The following ZNF534 variants were observed in gnomAD, a reference collection of about 807,000 sequenced individuals.
ZNF534 encodes the protein KRAB domain only 3.
A neutral mutation model predicts 13.6 loss-of-function variants in ZNF534; 19 were observed. The ratio of observed to expected loss-of-function variants is 1.40; its 90% CI spans 0.97 to 2.05. The LOEUF (loss-of-function observed/expected upper bound fraction) is 2.05. Among genes scored for constraint, ZNF534 ranks in the 30% most tolerant of loss-of-function variants. ZNF534 has a pLI of 0.00. For missense variants in ZNF534, 782 were observed against 796.3 expected, an observed-to-expected ratio of 0.98 and a Z score of 0.22; for synonymous variants, 244 against 273.8, an observed-to-expected ratio of 0.89 and a Z score of 1.07.
rs1375314806 is a variant in ZNF534, at chr19:52,441,080, AT to A, written c.*1639del. The stretch of plus-strand genomic sequence containing the variant: ...CCATCATGCCTGGCTAATTTTTTGT[AT>A]TTTTAGTAGAGACGGGGTTTCACCA... On this transcript the variant is annotated 3_prime_UTR_variant, in exon 5 of 5. Coordinates refer to ENST00000433050, the MANE Select transcript of ZNF534 (RefSeq NM_001143938.3). 6.6e-6 allele frequency among the ~76,000 whole-genome samples: 1 copy of A among 152,022 alleles called. No individual in the cohort carries two copies. The highest frequency in any genetic ancestry group is 1.5e-5 in the Non-Finnish European group (1 of 68,010).
At position 52,431,937 on chromosome 19, in the gene ZNF534, A is replaced by T. The variant is rs575608846; in HGVS notation, c.15+448A>T. Among the ~76,000 whole-genome samples, 4 of 150,950 alleles carry T rather than the reference A, an allele frequency of 2.6e-5. No homozygotes were observed. The South Asian group carries it at 8.3e-4, about 31-fold the overall frequency. ...TTTGTGATCTCGGCCATATAAATGT[A>T]TATGTGTACTAGTGTATATGAGTGT... On this transcript the variant is annotated intron_variant, in intron 2 of 4. Coordinates refer to ENST00000433050, the MANE Select transcript of ZNF534 (RefSeq NM_001143938.3).
chr19:52,433,609 G>A (rs533013553), intron 2 of ZNF534, among the ~76,000 whole-genome samples: 240 of 152,150 alleles, frequency 1.6e-3, no homozygotes, highest in Admixed American at 6.5e-4. Flanking sequence ...CTCGTGATCC[G>A]ACCGCCTTGG....
In ZNF534 at chr19:52,439,775, AATGAG is replaced by A. The variant is rs1452408954; in HGVS notation, c.*330_*334del. Among the ~76,000 whole-genome samples, 2 of 151,734 alleles carry A rather than the reference AATGAG, an allele frequency of 1.3e-5. No individual in the cohort carries two copies. Among genetic ancestry groups the A allele is most frequent in the Admixed American group, 1.3e-4 (2 of 15,226 alleles). ...CCATCTCAAAAAAAGAAAAAAAAAA[AATGAG>A]TGAAGCTGCCAAGCATGGTGGCTCA... On this transcript the variant is annotated 3_prime_UTR_variant, in exon 5 of 5. Transcript: ENST00000433050.
intron 2 of ZNF534, among the ~76,000 whole-genome samples, chr19:52,432,794 A>ATGGG (rs1207677977): frequency 6.6e-6 from 1 of 151,854 alleles, no homozygotes; most frequent in Non-Finnish European, 1.5e-5. Flanking sequence ...CTCCATGCCC[A>ATGGG]GCTCATTTTT....
At chr19:52,435,034 C>G in intron 3 of ZNF534, 47 bp from the exon 4 acceptor site, 1 of 1,589,494 alleles carries the variant, frequency 6.3e-7, no homozygotes, top group Non-Finnish European at 8.5e-7. Flanking sequence ...AGGGCTTGGA[C>G]TTTGGAGATG....
downstream of ZNF534, among the ~76,000 whole-genome samples, chr19:52,443,617 G>A (rs1231691421): frequency 1.3e-5 from 2 of 152,060 alleles, no homozygotes; most frequent in Non-Finnish European, 2.9e-5. Context: ...GGGCATGGTG[G>A]TGAGTGCCTA....
At chr19:52,437,443 C>T (rs1321761012) in intron 4 of ZNF534, among the ~76,000 whole-genome samples, 2 of 151,986 alleles carry the variant, frequency 1.3e-5, no homozygotes, top group Non-Finnish European at 2.9e-5. Flanking sequence ...ATAGTGAAAC[C>T]CCGTCTCTAC....
intron 2 of ZNF534, among the ~76,000 whole-genome samples, chr19:52,433,135 C>T (rs568389813): frequency 1.0e-4 from 15 of 145,724 alleles, no homozygotes; most frequent in South Asian, 2.2e-4. Context: ...CCCAGCTACT[C>T]GGGAGGCTTA....
rs573823726 is a variant in ZNF534, at chr19:52,451,463, G to T, written c.548G>T (p.Arg183Leu). Residue 183 changes from arginine to leucine, a missense_variant, in exon 5 of 5, where the codon CGT becomes CTT. Coordinates refer to the ZNF534 transcript ENST00000301085. Reference sequence around the variant, plus strand: ...CCGCACGCCCCGGACGCTGTCCAGCGTTGGCCGCCTGAGCAGAGGCTGCCG... The same window carrying T: ...CCGCACGCCCCGGACGCTGTCCAGCTTTGGCCGCCTGAGCAGAGGCTGCCG... 8 of 588,894 alleles carry T rather than the reference G, an allele frequency of 1.4e-5. No homozygotes were observed. The Admixed American group carries it at 2.7e-4, about 20-fold the overall frequency. The allele number at this position is 588,894 out of a possible 1,614,324, so 36.5% of individuals were successfully genotyped here. A position where few individuals can be genotyped will look rare whatever the true frequency, so the allele number is the denominator to read the frequency against.
intron 1 of ZNF534, among the ~76,000 whole-genome samples, chr19:52,431,016 A>G (rs559873257): frequency 1.3e-5 from 2 of 151,724 alleles, no homozygotes; most frequent in East Asian, 3.9e-4. Context: ...ACGCCCAGCT[A>G]ATTTTTTGTA....
At chr19:52,431,899 G>T (rs1314861451) in intron 2 of ZNF534, among the ~76,000 whole-genome samples, 6 of 151,672 alleles carry the variant, frequency 4.0e-5, no homozygotes, top group Non-Finnish European at 8.8e-5. Context: ...TGTTGCCCAG[G>T]CTGGAGTGTG....
chr19:52,431,634 T>A, intron 2 of ZNF534, 145 bp downstream of exon 2: 1 of 1,089,968 alleles, frequency 9.2e-7, no homozygotes, highest in Non-Finnish European at 1.4e-6. Context: ...CCCTTTCACT[T>A]CCACTTAAGA....
At chr19:52,443,838 A>G (rs2059185061), downstream of ZNF534, among the ~76,000 whole-genome samples, 1 of 152,114 alleles carries the variant, frequency 6.6e-6, no homozygotes, top group Admixed American at 6.5e-5. Flanking sequence ...TTTCCAGAGC[A>G]TATTGCATTT....
rs762819391 is a variant in ZNF534, at chr19:52,431,426, CAT to C, written c.-46_-45del. The C allele has an allele frequency of 5.0e-6, 8 of 1,612,308 alleles. No homozygotes were observed. The African/African-American group carries it at 8.0e-5, about 16-fold the overall frequency. ...ATACTAGGATTCACTTTCAAAGAGA[CAT>C]ATTATGCAAGGAAGCAACTCGGAAG... On this transcript the variant is annotated 5_prime_UTR_variant, in exon 2 of 5. Coordinates refer to ENST00000433050, the MANE Select transcript of ZNF534 (RefSeq NM_001143938.3).
rs143661406 is a variant in ZNF534 at position 52,434,321 on chromosome 19, A to G, written c.142+240A>G. Among the ~76,000 whole-genome samples the G allele has an allele frequency of 1.0e-2, 1,510 of 151,714 alleles. 28 individuals carry two copies. The highest frequency in any genetic ancestry group is 0.034 in the African/African-American group (1,415 of 41,352). ...CCACGGTGAAACCCCATCTCTACTA[A>G]AGATACAAAAAAGGGTGCCTGTAGT... On this transcript the variant is annotated intron_variant, in intron 3 of 4. Transcript: ENST00000433050.
chr19:52,451,905 A>AG (rs1291454394), exon 5 of ZNF534: 1 of 565,872 alleles, frequency 1.8e-6, no homozygotes, highest in East Asian at 4.1e-5. Context: ...TGACACCAAA[A>AG]GGGGATCAGG....
At position 52,439,138 on chromosome 19, in the gene ZNF534, A is replaced by C. The variant is rs529292407; in HGVS notation, c.1678A>C (p.Ser560Arg). 2.8e-5 allele frequency: 45 copies of C among 1,594,692 alleles called. No individual in the cohort carries two copies. In the Middle Eastern group the frequency reaches 6.6e-4, roughly 23 times the overall value. Reference protein sequence around the residue: ...YSCNECGKVFSRNSHLARHRN... With the variant: ...YSCNECGKVFRRNSHLARHRN... The stretch of plus-strand genomic sequence containing the variant: ...TTGTAATGAATGTGGCAAGGTCTTC[A>C]GTCGGAATTCACACCTTGCGCGACA... The change falls in exon 5 of 5, where the codon AGT becomes CGT. Residue 560 changes from serine to arginine, a missense_variant. Around this residue, in one of 5 missense-constraint regions of ZNF534, gnomAD observed 591 missense variants for 574.0 expected, o/e 1.03. Transcript: ENST00000433050.
chr19:52,433,928 GT>G (rs1361222776), intron 2 of ZNF534, 26 bp from the exon 3 acceptor site: 1 of 1,613,194 alleles, frequency 6.2e-7, no homozygotes, highest in Non-Finnish European at 8.5e-7. Flanking sequence ...TCCATACCCT[GT>G]TTTTGAAATG....
At chr19:52,435,534 T>C (rs1334714824) in intron 4 of ZNF534, among the ~76,000 whole-genome samples, 1 of 151,920 alleles carries the variant, frequency 6.6e-6, no homozygotes, top group Non-Finnish European at 1.5e-5. Context: ...ATAGCGTCTC[T>C]CTCCTGTCAC....
Sources: allele counts gnomAD v4.1 joint callset (sites outside exome capture counted in the v4.1 genomes callset), GRCh38; gene constraint gnomAD v4.1.1; regional missense constraint gnomAD v4.1.1; transcripts MANE v1.5; gene names NCBI Gene and HGNC (gene_info 2026-07-23, HGNC 2026-07-21).